The following GLB1L variants were observed in gnomAD, a reference collection of about 807,000 sequenced individuals.
The protein encoded by GLB1L is beta-galactosidase-1-like protein.
A neutral mutation model predicts 75.7 loss-of-function variants in GLB1L; 58 were observed. The observed-to-expected ratio is 0.77, with a 90% CI of 0.62 to 0.95. The LOEUF (loss-of-function observed/expected upper bound fraction) is 0.95, where lower values mean the gene tolerates loss of function less well. GLB1L is among the 40% of genes least tolerant of loss of function. The pLI is 0.00. For synonymous variants in GLB1L, 296 were observed against 303.0 expected (o/e 0.98, Z 0.24); for missense variants, 797 against 805.5 (o/e 0.99, Z 0.13).
Position 219,238,164 on chromosome 2 carries a change from G to T in GLB1L, c.1341+86C>A, listed in dbSNP as rs909706921. The T allele has an allele frequency of 6.3e-6, 7 of 1,109,378 alleles. No individual in the cohort carries two copies. In the African/African-American group the frequency reaches 9.4e-5, roughly 15 times the overall value. 68.7% of individuals were successfully genotyped at this position (1,109,378 alleles called of 1,614,324 possible). The stretch of plus-strand genomic sequence containing the variant: ...TCTGCAAACGTGAACAGGCAGGTGG[G>T]AAAGTGTAAATATGGGGAACTTAAG... On this transcript the variant is annotated intron_variant, in intron 14 of 16. Transcript: ENST00000295759.
In GLB1L at chr2:219,239,193, G is replaced by A. The variant is rs148493267; in HGVS notation, c.961C>T (p.Arg321Cys). ...TAGCTGGTAGTAATCGGAAGGAAGC[G>A]TCCCTTCTTATCGGCACCTGAAGTT... ...GYWNGADKKG[R>C]FLPITTSYDY... Residue 321 changes from arginine (R) to cysteine (C), a missense_variant, in exon 11 of 17, where the codon CGC becomes TGC. Physicochemically the swap from Arg to Cys is radical, Grantham distance 180. Coordinates refer to ENST00000295759, the MANE Select transcript of GLB1L (RefSeq NM_001286423.2). 3.0e-4 allele frequency: 487 copies of A among 1,612,012 alleles called. 1 individual carries two copies. The African/African-American group carries it at 4.8e-3, about 16-fold the overall frequency.
At chr2:219,241,177 G>A (rs924019377) in intron 5 of GLB1L, among the ~76,000 whole-genome samples, 5 of 151,798 alleles carry the variant, frequency 3.3e-5, no homozygotes, top group South Asian at 2.1e-4. Context: ...TCAGGAGATC[G>A]AGACCATCCT....
chr2:219,236,840 C>T lies in GLB1L; in HGVS notation c.*232G>A, dbSNP rs75717436. The T allele has an allele frequency of 5.1e-6, 2 of 394,876 alleles. No homozygotes were observed. Among genetic ancestry groups the T allele is most frequent in the African/African-American group, 4.2e-5 (2 of 47,548 alleles). The allele number at this position is 394,876 out of a possible 1,614,324, so 24.5% of individuals were successfully genotyped here. ...AGTGCAGTGGTACAACCTCCACTCA[C>T]TGCAACCTCTGCCTCCTGGATTCAA... On this transcript the variant is annotated 3_prime_UTR_variant, in exon 17 of 17. Transcript: ENST00000295759.
chr2:219,243,373 G>A (rs934595995), intron 2 of GLB1L, 59 bp from the exon 3 acceptor site: 5 of 1,589,722 alleles, frequency 3.1e-6, no homozygotes, highest in Middle Eastern at 1.7e-4. Flanking sequence ...GAGGGTCAGC[G>A]CCTGCCAAGA....
chr2:219,243,621 G>C lies in GLB1L; in HGVS notation c.-48C>G. On this transcript the variant is annotated 5_prime_UTR_variant, in exon 2 of 17. Coordinates refer to ENST00000295759, the MANE Select transcript of GLB1L (RefSeq NM_001286423.2). ...TCTGAGACGGCGGACAGACCGTCAC[G>C]TGTCGGATTCCTGGGAGGGAACCTC... 1 of 1,586,002 alleles carries C rather than the reference G, an allele frequency of 6.3e-7. No individual in the cohort carries two copies.
chr2:219,238,050 CAG>C, intron 14 of GLB1L, 93 bp from the exon 15 acceptor site: 1 of 1,326,782 alleles, frequency 7.5e-7, no homozygotes, highest in Non-Finnish European at 1.1e-6. Context: ...ATTTGGAGGG[CAG>C]AGAGAATGTA....
At chr2:219,239,234 A>C (rs1951326798) in intron 10 of GLB1L, 24 bp from the exon 11 acceptor site, 1 of 1,569,902 alleles carries the variant, frequency 6.4e-7, no homozygotes, top group African/African-American at 1.4e-5. Flanking sequence ...AATTTAATTA[A>C]TTCAACATGT....
Position 219,243,592 on chromosome 2 carries a change from C to G in GLB1L, c.-19G>C. 1 of 1,613,498 alleles carries G rather than the reference C, an allele frequency of 6.2e-7. No homozygotes were observed. The highest frequency in any genetic ancestry group is 8.5e-7 in the Non-Finnish European group (1 of 1,179,464). ...GAGCCATGGCGTTTACAGCGCTCCT[C>G]TAGTCTGAGACGGCGGACAGACCGT... On this transcript the variant is annotated 5_prime_UTR_variant, in exon 2 of 17. Transcript: ENST00000295759.
In GLB1L at chr2:219,243,608, G is replaced by T. The variant is rs1432851618; in HGVS notation, c.-35C>A. 6.2e-7 allele frequency: 1 copy of T among 1,604,748 alleles called. No individual in the cohort carries two copies. The highest frequency in any genetic ancestry group is 1.3e-5 in the African/African-American group (1 of 74,788). On this transcript the variant is annotated 5_prime_UTR_variant, in exon 2 of 17. Transcript: ENST00000295759. ...AGCGCTCCTCTAGTCTGAGACGGCG[G>T]ACAGACCGTCACGTGTCGGATTCCT...
chr2:219,241,105 G>C (rs868150711), intron 5 of GLB1L, among the ~76,000 whole-genome samples: 1 of 150,916 alleles, frequency 6.6e-6, no homozygotes, highest in Non-Finnish European at 1.5e-5. Context: ...ATTATGCCGG[G>C]TGCGGCGGCT....
rs751209809 is a variant in GLB1L at position 219,239,827 on chromosome 2, T to G, written c.728A>C (p.Asn243Thr). Residue 243 changes from asparagine (N) to threonine (T), a missense_variant, in exon 8 of 17, where the codon AAC becomes ACC. By Grantham distance (65) the Asn-to-Thr change is moderately conservative. Coordinates refer to ENST00000295759, the MANE Select transcript of GLB1L (RefSeq NM_001286423.2). ...YTTVDFGPAD[N>T]MTKIFTLLRK... is the part of the protein sequence containing the mutation. ...AAGCAGGGTAAAGATTTTGGTCATG[T>G]TGTCAGCTGCGGAAAGGAGGCAAAA... 1 of 1,614,180 alleles carries G rather than the reference T, an allele frequency of 6.2e-7. No homozygotes were observed. The highest frequency in any genetic ancestry group is 1.7e-5 in the Admixed American group (1 of 60,032).
At position 219,243,556 on chromosome 2, in the gene GLB1L, C is replaced by T. The variant is rs1308118836; in HGVS notation, c.18G>A (p.Leu6=). 1 of 1,614,102 alleles carries T rather than the reference C, an allele frequency of 6.2e-7. No individual in the cohort carries two copies. Among genetic ancestry groups the T allele is most frequent in the South Asian group, 1.1e-5 (1 of 91,092 alleles). The change falls in exon 2 of 17, where the codon CTG becomes CTA. Residue 6 remains leucine, a synonymous_variant. Coordinates refer to ENST00000295759, the MANE Select transcript of GLB1L (RefSeq NM_001286423.2). ...GCAGCAGCAGGGAACGAAGGCAGGA[C>T]AGCTTCTTGGGAGCCATGGCGTTTA... is the stretch of plus-strand genomic sequence containing the variant. MAPKK[L]SCLRSLLLPL... is the part of the protein sequence containing the mutation.
At chr2:219,241,438 G>GTATATATATATATATATATA (rs1210794187) in intron 5 of GLB1L, among the ~76,000 whole-genome samples, 1 of 85,172 alleles carries the variant, frequency 1.2e-5, no homozygotes. Context: ...GTGTGTGTGT[G>GTATATATATATATATATATA]TGTGTATATA....
Position 219,239,160 on chromosome 2 carries a change from C to T in GLB1L, c.994G>A (p.Asp332Asn), listed in dbSNP as rs1037693229. The T allele has an allele frequency of 3.7e-6, 6 of 1,613,998 alleles. No individual in the cohort carries two copies. The African/African-American group carries it at 8.0e-5, about 22-fold the overall frequency. ...FLPITTSYDYDAPISEAGDPT... is the reference protein window; with the variant it reads ...FLPITTSYDYNAPISEAGDPT... ...TCCCCTGCTTCAGATATAGGTGCAT[C>T]ATAGTCATAGCTGGTAGTAATCGGA... The change falls in exon 11 of 17, where the codon GAT (aspartate) becomes AAT (asparagine). Residue 332 changes from aspartate to asparagine, a missense_variant. Physicochemically the swap from Asp to Asn is conservative, Grantham distance 23. Transcript: ENST00000295759.
chr2:219,239,453 T>C lies in GLB1L; in HGVS notation c.903-2A>G, dbSNP rs1371104256. The C allele has an allele frequency of 1.2e-6, 2 of 1,608,880 alleles. No individual in the cohort carries two copies. The highest frequency in any genetic ancestry group is 1.7e-6 in the Non-Finnish European group (2 of 1,177,070). On this transcript the variant is annotated splice_acceptor_variant, in intron 9 of 16. Transcript: ENST00000295759. LOFTEE classifies it high-confidence loss of function. ...TTGGTACCTCCATGGAACATGTACC[T>C]GAAGTGAGAGAGGGTGGGGGAACAG...
Position 219,239,130 on chromosome 2 carries a change from T to TG in GLB1L, c.1023dup (p.Thr342HisfsTer3), listed in dbSNP as rs1403534560. On this transcript the variant is annotated frameshift_variant, in exon 11 of 17. Coordinates refer to ENST00000295759, the MANE Select transcript of GLB1L (RefSeq NM_001286423.2). LOFTEE classifies it high-confidence loss of function. ...TCTCGAAGAGCAAAAAGCTTAGGTG[T>TG]GGGGTCCCCTGCTTCAGATATAGGT... 1 of 1,613,896 alleles carries TG rather than the reference T, an allele frequency of 6.2e-7. No homozygotes were observed. The highest frequency in any genetic ancestry group is 8.5e-7 in the Non-Finnish European group (1 of 1,179,880).
intron 4 of GLB1L, 49 bp downstream of exon 4, chr2:219,242,719 A>G (rs1472320524): frequency 2.0e-5 from 32 of 1,607,410 alleles, no homozygotes; most frequent in Non-Finnish European, 2.6e-5. Context: ...GGAGTAGTCT[A>G]GGAACTGCAC....
At chr2:219,242,419 G>T in intron 5 of GLB1L, 95 bp downstream of exon 5, 1 of 874,530 alleles carries the variant, frequency 1.1e-6, no homozygotes, top group Non-Finnish European at 2.0e-6. Context: ...AATGAATGAT[G>T]ACCTCCAATT....
chr2:219,238,730 A>G lies in GLB1L; in HGVS notation c.1112T>C (p.Met371Thr). Residue 371 changes from methionine (M) to threonine (T), a missense_variant, in exon 12 of 17, where the codon ATG becomes ACG. Coordinates refer to ENST00000295759, the MANE Select transcript of GLB1L (RefSeq NM_001286423.2). ...CAGGTGCAGAGTCACAGGTCCAAGC[A>G]TCATCTTGGGGCTCGGGGGAGGTAA... ...GPLPPPSPKMMLGPVTLHLVG... is the reference protein window; with the variant it reads ...GPLPPPSPKMTLGPVTLHLVG... 1.2e-6 allele frequency: 2 copies of G among 1,614,128 alleles called. No homozygotes were observed. Among genetic ancestry groups the G allele is most frequent in the Non-Finnish European group, 1.7e-6 (2 of 1,179,968 alleles).
Sources: gnomAD v4.1 joint callset for allele counts (sites outside exome capture counted in the v4.1 genomes callset) on GRCh38, gnomAD v4.1.1 for gene constraint, MANE v1.5 for transcripts, NCBI Gene and HGNC (gene_info 2026-07-23, HGNC 2026-07-21) for gene names.